Variants in CNTNAP2 observed in about 807,000 individuals in gnomAD.
The protein encoded by CNTNAP2 is contactin-associated protein-like 2.
In CNTNAP2, 98 loss-of-function variants were observed where a neutral mutation model predicts 155.2. The observed-to-expected ratio is 0.63, with a 90% CI of 0.54 to 0.75. The LOEUF (loss-of-function observed/expected upper bound fraction) is 0.75, where lower values mean the gene tolerates loss of function less well. Among genes scored for constraint, CNTNAP2 ranks in the 30% least tolerant of loss-of-function variants. The pLI is 0.00. For synonymous variants in CNTNAP2, 651 were observed against 631.2 expected, an observed-to-expected ratio of 1.03 and a Z score of -0.47; for missense variants, 1,727 against 1,688.1, an observed-to-expected ratio of 1.02 and a Z score of -0.40.
chr7:148,070,285 C>T (rs1803356242), intron 15 of CNTNAP2, among the ~76,000 whole-genome samples: 3 of 152,202 alleles, frequency 2.0e-5, no homozygotes, highest in Non-Finnish European at 4.4e-5. Flanking sequence ...CTGAAATAGA[C>T]ATTGCACTGA....
In CNTNAP2 at chr7:147,523,504, G is replaced by A. The variant is rs148512195; in HGVS notation, c.1777+37463G>A. Among the ~76,000 whole-genome samples, 237 of 152,312 alleles carry A rather than the reference G, an allele frequency of 1.6e-3. 2 individuals carry two copies. Among genetic ancestry groups the A allele is most frequent in the African/African-American group, 5.5e-3 (227 of 41,570 alleles). ...GAGTTGGGGATCCTTTGGGATCACC[G>A]TAGAAGCTTTCCTACATATCCTTCT... is the stretch of plus-strand genomic sequence containing the variant. On this transcript the variant is annotated intron_variant, in intron 11 of 23. Coordinates refer to ENST00000361727, the MANE Select transcript of CNTNAP2 (RefSeq NM_014141.6).
chr7:148,213,436 C>T (rs948417434), intron 18 of CNTNAP2, among the ~76,000 whole-genome samples: 2 of 152,146 alleles, frequency 1.3e-5, no homozygotes, highest in African/African-American at 2.4e-5. Flanking sequence ...GTCTCTGCTG[C>T]CCAGACCCTT....
At chr7:147,230,716 T>G (rs1373961543) in intron 8 of CNTNAP2, among the ~76,000 whole-genome samples, 1 of 152,198 alleles carries the variant, frequency 6.6e-6, no homozygotes, top group Non-Finnish European at 1.5e-5. Flanking sequence ...ACTGAAAGTT[T>G]GTACCCTTGA....
intron 1 of CNTNAP2, among the ~76,000 whole-genome samples, chr7:146,508,818 G>T (rs1327966904): frequency 6.6e-6 from 1 of 152,056 alleles, no homozygotes; most frequent in Non-Finnish European, 1.5e-5. Flanking sequence ...CACTTCATTG[G>T]GTTGCCTCTC....
intron 23 of CNTNAP2, among the ~76,000 whole-genome samples, chr7:148,413,403 T>A (rs1232035931): frequency 0.45 from 4,071 of 9,018 alleles, 1,126 homozygotes; most frequent in African/African-American, 0.51. Context: ...AAAAAAAAAA[T>A]ATATATATAT....
chr7:148,335,335 T>C (rs1320530261), intron 21 of CNTNAP2, among the ~76,000 whole-genome samples: 1 of 152,138 alleles, frequency 6.6e-6, no homozygotes, highest in African/African-American at 2.4e-5. Context: ...CTAGGAGTGA[T>C]TGCAGGGATT....
intron 1 of CNTNAP2, among the ~76,000 whole-genome samples, chr7:146,454,473 G>T (rs1248034974): frequency 6.6e-6 from 1 of 152,038 alleles, no homozygotes; most frequent in Admixed American, 6.6e-5. Context: ...AATTTTTACT[G>T]TGTAGTAAGA....
chr7:147,667,861 A>T (rs1258466925), intron 13 of CNTNAP2, among the ~76,000 whole-genome samples: 3 of 152,054 alleles, frequency 2.0e-5, no homozygotes, highest in Non-Finnish European at 4.4e-5. Context: ...TTCTGGAAGG[A>T]TTACGACATC....
At chr7:147,544,072 GAAGAAAATA>G (rs1292480941) in intron 11 of CNTNAP2, among the ~76,000 whole-genome samples, 3 of 152,066 alleles carry the variant, frequency 2.0e-5, no homozygotes, top group African/African-American at 7.2e-5. Context: ...TTCCAAACTG[GAAGAAAATA>G]CAGAAGACTA....
At chr7:148,407,757 T>C (rs1285256093) in intron 22 of CNTNAP2, among the ~76,000 whole-genome samples, 4 of 128,094 alleles carry the variant, frequency 3.1e-5, no homozygotes, top group Admixed American at 3.1e-4. Context: ...GCAAAAACCA[T>C]CAGTGGTCTC....
intron 1 of CNTNAP2, among the ~76,000 whole-genome samples, chr7:146,516,617 C>T (rs1008846156): frequency 4.0e-5 from 6 of 151,768 alleles, no homozygotes; most frequent in South Asian, 2.1e-4. Context: ...GTAATCTATA[C>T]GACTATTAAA....
rs139875936 is a variant in CNTNAP2 at position 146,877,838 on chromosome 7, G to A, written c.402+37934G>A. 8.3e-3 allele frequency among the ~76,000 whole-genome samples: 1,263 copies of A among 151,904 alleles called. 15 individuals carry two copies. Among genetic ancestry groups the A allele is most frequent in the African/African-American group, 0.028 (1,168 of 41,416 alleles). Reference sequence around the variant, plus strand: ...ATAGGAGATTCTCAGTTCATTACCCGACCATGATGACAAGTGAAAACTATG... The same window carrying A: ...ATAGGAGATTCTCAGTTCATTACCCAACCATGATGACAAGTGAAAACTATG... On this transcript the variant is annotated intron_variant, in intron 3 of 23. Transcript: ENST00000361727.
chr7:146,352,492 A>G (rs1308723404), intron 1 of CNTNAP2, among the ~76,000 whole-genome samples: 1 of 152,086 alleles, frequency 6.6e-6, no homozygotes, highest in Non-Finnish European at 1.5e-5. Context: ...AATAAGCCTA[A>G]CAGTCATAGA....
At chr7:146,155,866 A>C (rs1399927773) in intron 1 of CNTNAP2, among the ~76,000 whole-genome samples, 1 of 150,132 alleles carries the variant, frequency 6.7e-6, no homozygotes, top group Admixed American at 6.7e-5. Context: ...TGCCTGACTA[A>C]TTTTTTTTTG....
chr7:148,329,574 C>T (rs1273326371), intron 21 of CNTNAP2, among the ~76,000 whole-genome samples: 6 of 152,048 alleles, frequency 3.9e-5, no homozygotes, highest in Admixed American at 2.0e-4. Context: ...ATTTGAGTTA[C>T]GAGGCCAGTG....
chr7:148,302,092 A>G (rs1797401660), intron 21 of CNTNAP2, among the ~76,000 whole-genome samples: 1 of 152,210 alleles, frequency 6.6e-6, no homozygotes, highest in Non-Finnish European at 1.5e-5. Context: ...CTGCCAGGTC[A>G]CTGCTGGATG....
At chr7:147,732,424 T>G (rs1337294013) in intron 13 of CNTNAP2, among the ~76,000 whole-genome samples, 4 of 152,150 alleles carry the variant, frequency 2.6e-5, no homozygotes, top group African/African-American at 9.7e-5. Flanking sequence ...ATTTTCTTAA[T>G]CCAGTCTATC....
intron 1 of CNTNAP2, among the ~76,000 whole-genome samples, chr7:146,437,781 C>A (rs1255059712): frequency 6.6e-6 from 1 of 151,524 alleles, no homozygotes; most frequent in Non-Finnish European, 1.5e-5. Flanking sequence ...CCTGTTTGGG[C>A]ACTCAAATTT....
intron 1 of CNTNAP2, among the ~76,000 whole-genome samples, chr7:146,545,002 A>G (rs998778997): frequency 2.6e-5 from 4 of 151,916 alleles, no homozygotes; most frequent in African/African-American, 9.7e-5. Context: ...CAAAGCAAAA[A>G]GGTGTTTAGG....
Sources: gnomAD v4.1 joint callset for allele counts (sites outside exome capture counted in the v4.1 genomes callset) on GRCh38, gnomAD v4.1.1 for gene constraint, MANE v1.5 for transcripts, NCBI Gene and HGNC (gene_info 2026-07-23, HGNC 2026-07-21) for gene names.